The following MRTFB variants were observed in gnomAD, a reference collection of about 807,000 sequenced individuals.
MRTFB encodes myocardin related transcription factor B.
A neutral mutation model predicts 104.2 loss-of-function variants in MRTFB; 29 were observed. The ratio of observed to expected loss-of-function variants is 0.28; its 90% confidence interval spans 0.21 to 0.38. The LOEUF is 0.38. Among genes scored for constraint, MRTFB ranks in the 10% least tolerant of loss-of-function variants. The pLI is 1.00. For synonymous variants in MRTFB, 535 were observed against 519.5 expected, an observed-to-expected ratio of 1.03 and a Z score of -0.41; for missense variants, 1,270 against 1,341.6, an observed-to-expected ratio of 0.95 and a Z score of 0.83.
chr16:14,122,423 A>G (rs1471115452), intron 2 of MRTFB, among the ~76,000 whole-genome samples: 4 of 151,936 alleles, frequency 2.6e-5, no homozygotes, highest in Non-Finnish European at 4.4e-5. Flanking sequence ...TCCTAATGCT[A>G]TCCCTCCCCT....
At position 14,140,653 on chromosome 16, in the gene MRTFB, T is replaced by G; in HGVS notation, c.47T>G (p.Leu16Ter). Residue 16 changes from leucine to a stop codon, truncating the protein, a stop_gained, in exon 3 of 17, where the codon TTA (leucine) becomes TGA (stop). Transcript: ENST00000571589. LOFTEE classifies it high-confidence loss of function. ...GACACCGAGGATGAAGTGGGACCTT[T>G]AGCCCATCTTGCTCCAAGTCCTCAG... ...AIDTEDEVGP[L>*]AHLAPSPQSE... The G allele has an allele frequency of 6.2e-7, 1 of 1,614,208 alleles. No individual in the cohort carries two copies. The highest frequency in any genetic ancestry group is 8.5e-7 in the Non-Finnish European group (1 of 1,180,032).
At chr16:14,094,690 G>C (rs570004304) in intron 2 of MRTFB, among the ~76,000 whole-genome samples, 2 of 152,302 alleles carry the variant, frequency 1.3e-5, no homozygotes, top group Non-Finnish European at 2.9e-5. Context: ...TATGTGGTTT[G>C]TAAATTTCTT....
intron 2 of MRTFB, among the ~76,000 whole-genome samples, chr16:14,102,973 A>G (rs1451660139): frequency 6.6e-6 from 1 of 152,188 alleles, no homozygotes; most frequent in Admixed American, 6.5e-5. Flanking sequence ...CCATTTGTAT[A>G]TCAGCTCCCT....
At chr16:14,151,819 A>T (rs2038628422) in intron 3 of MRTFB, 1 of 152,208 alleles carries the variant, frequency 6.6e-6, no homozygotes, top group African/African-American at 2.4e-5. Flanking sequence ...ATATTAAAGC[A>T]TGTGAAAAGA....
In MRTFB at chr16:14,127,915, ATATATATATATATATTTTTTTTTTTTTT is replaced by A. The variant is rs1485310976; in HGVS notation, c.-63-12627_-63-12600del. Among the ~76,000 whole-genome samples, 270 of 48,910 alleles carry A rather than the reference ATATATATATATATATTTTTTTTTTTTTT, an allele frequency of 5.5e-3. 4 individuals are homozygous for A. Among genetic ancestry groups the A allele is most frequent in the African/African-American group, 0.023 (226 of 9,834 alleles). The allele number at this position is 48,910 out of a possible 152,430, so 32.1% of individuals were successfully genotyped here. On this transcript the variant is annotated intron_variant, in intron 2 of 16. Coordinates refer to ENST00000571589, the MANE Select transcript of MRTFB (RefSeq NM_001308142.2). ...AGCAAAACTGAATATATATATATAT[ATATATATATATATATTTTTTTTTTTTTT>A]TTTTTTTTCTTTTTTTCCCCTTTTC... is the stretch of plus-strand genomic sequence containing the variant.
At chr16:14,035,612 T>C in the MRTFB span, among the ~76,000 whole-genome samples, 1 of 152,188 alleles carries the variant, frequency 6.6e-6, no homozygotes. Context: ...CTATGAGGTA[T>C]GTGTAATGTC....
chr16:14,087,310 A>G (rs891603572), intron 2 of MRTFB, among the ~76,000 whole-genome samples: 1 of 152,146 alleles, frequency 6.6e-6, no homozygotes, highest in Admixed American at 6.6e-5. Context: ...TAGGTTAAGG[A>G]TATGTACTGA....
chr16:14,174,055 C>G (rs2039504490), intron 3 of MRTFB, among the ~76,000 whole-genome samples: 1 of 151,798 alleles, frequency 6.6e-6, no homozygotes, highest in South Asian at 2.1e-4. Context: ...CTTTATGGAA[C>G]TTGTTTTCCC....
the MRTFB span, among the ~76,000 whole-genome samples, chr16:14,061,815 C>T: frequency 6.6e-6 from 1 of 152,062 alleles, no homozygotes; most frequent in Non-Finnish European, 1.5e-5. Flanking sequence ...CTGAGTAGGA[C>T]TGGTAAGGTG....
chr16:14,048,975 A>T, the MRTFB span, among the ~76,000 whole-genome samples: 1 of 152,162 alleles, frequency 6.6e-6, no homozygotes, highest in Non-Finnish European at 1.5e-5. Flanking sequence ...CTCCACTCTT[A>T]TGGTTTTTGA....
chr16:14,248,553 G>A lies in MRTFB; in HGVS notation c.2248-373G>A, dbSNP rs77373644. The stretch of plus-strand genomic sequence containing the variant: ...TCCCTAGGGAATGCACACACCGCTT[G>A]CAAGCAGCAATTGGGACAGTTAGGT... On this transcript the variant is annotated intron_variant, in intron 12 of 16. Coordinates refer to ENST00000571589, the MANE Select transcript of MRTFB (RefSeq NM_001308142.2). The A allele has an allele frequency of 3.1e-3, 512 of 164,460 alleles. 3 individuals are homozygous for A. The highest frequency in any genetic ancestry group is 8.4e-3 in the African/African-American group (350 of 41,734). The allele number at this position is 164,460 out of a possible 1,614,324, so 10.2% of individuals were successfully genotyped here. A position where few individuals can be genotyped will look rare whatever the true frequency, so the allele number is the denominator to read the frequency against.
the MRTFB span, among the ~76,000 whole-genome samples, chr16:14,041,465 C>T: frequency 3.3e-5 from 5 of 152,292 alleles, no homozygotes; most frequent in East Asian, 7.7e-4. Flanking sequence ...GCTCATTTCA[C>T]TCAGCATAAT....
At chr16:14,191,333 C>T (rs1247893081) in intron 3 of MRTFB, among the ~76,000 whole-genome samples, 1 of 152,234 alleles carries the variant, frequency 6.6e-6, no homozygotes, top group East Asian at 1.9e-4. Context: ...CTTTGCTCCT[C>T]TCGCTCCTGC....
the MRTFB span, among the ~76,000 whole-genome samples, chr16:14,024,344 G>A: frequency 5.3e-5 from 8 of 152,168 alleles, no homozygotes; most frequent in Non-Finnish European, 1.0e-4. Flanking sequence ...TAAAGCTAAT[G>A]TCTCCTTTGG....
intron 2 of MRTFB, among the ~76,000 whole-genome samples, chr16:14,124,960 A>G (rs923598668): frequency 6.6e-6 from 1 of 152,112 alleles, no homozygotes; most frequent in Non-Finnish European, 1.5e-5. Flanking sequence ...TTTTCTGCGT[A>G]CCTTGCTGGT....
chr16:14,115,924 A>T (rs1350802918), intron 2 of MRTFB, among the ~76,000 whole-genome samples: 1 of 152,146 alleles, frequency 6.6e-6, no homozygotes, highest in African/African-American at 2.4e-5. Flanking sequence ...ACAAGCCATG[A>T]CTGTCACCTG....
chr16:14,227,669 G>C (rs924764341), intron 8 of MRTFB, among the ~76,000 whole-genome samples: 1 of 151,980 alleles, frequency 6.6e-6, no homozygotes, highest in East Asian at 1.9e-4. Flanking sequence ...GCAACACCAC[G>C]CCCAGCTAAT....
intron 10 of MRTFB, among the ~76,000 whole-genome samples, chr16:14,242,424 A>G (rs2042813751): frequency 6.6e-6 from 1 of 152,226 alleles, no homozygotes; most frequent in African/African-American, 2.4e-5. Flanking sequence ...GTATTATTTA[A>G]CCACAAAAAG....
intron 8 of MRTFB, among the ~76,000 whole-genome samples, chr16:14,223,166 T>C (rs1186024721): frequency 2.0e-5 from 3 of 151,826 alleles, no homozygotes; most frequent in Non-Finnish European, 1.5e-5. Context: ...AAGAAATAGC[T>C]GGGCGTGGTA....
Sources: gnomAD v4.1 joint callset for allele counts (sites outside exome capture counted in the v4.1 genomes callset) on GRCh38, gnomAD v4.1.1 for gene constraint, MANE v1.5 for transcripts, NCBI Gene and HGNC (gene_info 2026-07-23, HGNC 2026-07-21) for gene names.